Variants in LARGE1 observed in about 807,000 individuals in gnomAD.
LARGE1 encodes the protein xylosyl- and glucuronyltransferase LARGE1.
LARGE1 carries 43 observed loss-of-function variants against 87.6 expected under a neutral mutation model. That is an observed-to-expected ratio of 0.49 (90% CI 0.38 to 0.63). The LOEUF (loss-of-function observed/expected upper bound fraction) is 0.63, where lower values mean the gene tolerates loss of function less well. LARGE1 is among the 30% of genes least tolerant of loss of function. The pLI, the probability that LARGE1 is intolerant of heterozygous loss-of-function variation, is 0.00. For missense variants in LARGE1, 802 were observed against 1,000.2 expected, an observed-to-expected ratio of 0.80 and a Z score of 2.67; for synonymous variants, 434 against 394.6, an observed-to-expected ratio of 1.10 and a Z score of -1.18.
rs1601645807 is a variant in LARGE1, at chr22:33,382,089, C to A, written c.1006-45G>T. On this transcript the variant is annotated intron_variant, in intron 8 of 14. Transcript: ENST00000397394. Reference sequence around the variant, plus strand: ...GACACAGTCAAGACAGTCGGATGGTCCAGCTGCCCATTTTGGCTCTCAAGG... The same window carrying A: ...GACACAGTCAAGACAGTCGGATGGTACAGCTGCCCATTTTGGCTCTCAAGG... 7.4e-6 allele frequency: 12 copies of A among 1,611,842 alleles called. No homozygotes were observed. The East Asian group carries it at 2.7e-4, about 36-fold the overall frequency.
At chr22:33,223,951 A>T (rs1925587215) in intron 11 of LARGE1, among the ~76,000 whole-genome samples, 1 of 152,118 alleles carries the variant, frequency 6.6e-6, no homozygotes, top group African/African-American at 2.4e-5. Flanking sequence ...GCTCACAGCC[A>T]CCTCTATGCC....
At chr22:33,682,837 T>C (rs550388467) in intron 2 of LARGE1, among the ~76,000 whole-genome samples, 20 of 152,292 alleles carry the variant, frequency 1.3e-4, no homozygotes, top group African/African-American at 4.6e-4. Flanking sequence ...CAGAGACATA[T>C]GGTTTTATTT....
intron 6 of LARGE1, among the ~76,000 whole-genome samples, chr22:33,448,761 C>T (rs2067790059): frequency 6.6e-6 from 1 of 152,146 alleles, no homozygotes; most frequent in Admixed American, 6.5e-5. Context: ...AAGTACCGTA[C>T]AACTCAATGA....
chr22:33,201,371 G>C (rs1215062528), intron 11 of LARGE1, among the ~76,000 whole-genome samples: 1 of 149,958 alleles, frequency 6.7e-6, no homozygotes, highest in African/African-American at 2.5e-5. Flanking sequence ...AGAGAGGAAG[G>C]AAGGAAGAAA....
At chr22:33,872,366 T>C (rs1450461868) in intron 1 of LARGE1, among the ~76,000 whole-genome samples, 1 of 48,402 alleles carries the variant, frequency 2.1e-5, no homozygotes, top group Non-Finnish European at 3.5e-5. Context: ...TATCTATTAT[T>C]ATTATTATTA....
chr22:33,722,389 G>A (rs78007520), intron 2 of LARGE1, among the ~76,000 whole-genome samples: 5,024 of 149,946 alleles, frequency 0.034, 184 homozygotes, highest in South Asian at 0.2. Context: ...GGAAAGGAAG[G>A]AAAGAAGGGA....
intron 6 of LARGE1, among the ~76,000 whole-genome samples, chr22:33,476,711 C>T (rs565202215): frequency 1.7e-4 from 23 of 139,162 alleles, no homozygotes; most frequent in African/African-American, 6.2e-4. Flanking sequence ...CGCCCCCCAG[C>T]CCAAAGAATA....
rs1423590230 is a variant in LARGE1, at chr22:33,606,090, G to A, written c.492-1532C>T. Reference sequence around the variant, plus strand: ...CCAGGGTTGGAGCAGAGAAGGACATGAGAATGCAATGAAAGTTTAATTAAA... The same window carrying A: ...CCAGGGTTGGAGCAGAGAAGGACATAAGAATGCAATGAAAGTTTAATTAAA... On this transcript the variant is annotated intron_variant, in intron 4 of 14. Coordinates refer to ENST00000397394, the MANE Select transcript of LARGE1 (RefSeq NM_133642.5). Among the ~76,000 whole-genome samples, 6 of 152,284 alleles carry A rather than the reference G, an allele frequency of 3.9e-5. No homozygotes were observed. The South Asian group carries it at 8.3e-4, about 21-fold the overall frequency.
At chr22:33,469,672 A>G (rs971931429) in intron 6 of LARGE1, among the ~76,000 whole-genome samples, 2 of 151,632 alleles carry the variant, frequency 1.3e-5, no homozygotes, top group Admixed American at 1.3e-4. Context: ...TAAAAATACA[A>G]AAGAAATTAG....
At position 33,903,463 on chromosome 22, in the gene LARGE1, A is replaced by C. The variant is rs74339885; in HGVS notation, c.-83+16532T>G. On this transcript the variant is annotated intron_variant, in intron 1 of 14. Transcript: ENST00000397394. The stretch of plus-strand genomic sequence containing the variant: ...TGAATTTTTTTAAAAAATAAATAAA[A>C]TCACATAACAGTTAAAAAAAAAAAG... Among the ~76,000 whole-genome samples the C allele has an allele frequency of 1.3e-4, 20 of 152,254 alleles. 1 individual carries two copies. In the East Asian group the frequency reaches 2.5e-3, roughly 19 times the overall value.
At chr22:33,093,149 A>G in the LARGE1 span, among the ~76,000 whole-genome samples, 1 of 152,326 alleles carries the variant, frequency 6.6e-6, no homozygotes, top group African/African-American at 2.4e-5. Context: ...TGGGACAAAG[A>G]TGTAACTAGA....
chr22:33,826,682 C>A (rs995283654), intron 1 of LARGE1, among the ~76,000 whole-genome samples: 1 of 152,026 alleles, frequency 6.6e-6, no homozygotes, highest in Non-Finnish European at 1.5e-5. Context: ...CCTTTAGTAC[C>A]CACCTGGACA....
chr22:33,675,114 G>A (rs1002506780), intron 2 of LARGE1, among the ~76,000 whole-genome samples: 15 of 151,188 alleles, frequency 9.9e-5, no homozygotes, highest in Admixed American at 1.3e-4. Flanking sequence ...CCAACATGGC[G>A]AAATCCCGCC....
chr22:33,139,295 G>C, the LARGE1 span, among the ~76,000 whole-genome samples: 2 of 152,020 alleles, frequency 1.3e-5, no homozygotes, highest in African/African-American at 2.4e-5. Context: ...TGTGCTTGTT[G>C]GCCATTTGTA....
At chr22:33,148,953 T>C in the LARGE1 span, among the ~76,000 whole-genome samples, 1 of 152,128 alleles carries the variant, frequency 6.6e-6, no homozygotes, top group Admixed American at 6.5e-5. Flanking sequence ...ATTTAAAAAA[T>C]ATATTTACAA....
chr22:33,413,621 T>C (rs1415793907), intron 7 of LARGE1, among the ~76,000 whole-genome samples: 1 of 152,026 alleles, frequency 6.6e-6, no homozygotes, highest in Non-Finnish European at 1.5e-5. Context: ...TGTGCCACCA[T>C]GCCCGGCTAA....
At chr22:33,082,947 C>A in the LARGE1 span, among the ~76,000 whole-genome samples, 2 of 152,128 alleles carry the variant, frequency 1.3e-5, no homozygotes, top group East Asian at 3.9e-4. Context: ...ATGGTGTGAA[C>A]CCGGGAGGCG....
chr22:33,204,476 C>A (rs1306246436), intron 11 of LARGE1, among the ~76,000 whole-genome samples: 1 of 152,112 alleles, frequency 6.6e-6, no homozygotes, highest in African/African-American at 2.4e-5. Context: ...GCTTCCCAAT[C>A]TCAATATCTT....
At chr22:33,188,365 A>C (rs1923600128) in intron 11 of LARGE1, among the ~76,000 whole-genome samples, 1 of 152,082 alleles carries the variant, frequency 6.6e-6, no homozygotes, top group Non-Finnish European at 1.5e-5. Context: ...TTCTATCCCA[A>C]CAAATAAGGA....
Sources: gnomAD v4.1 joint callset for allele counts (sites outside exome capture counted in the v4.1 genomes callset) on GRCh38, gnomAD v4.1.1 for gene constraint, MANE v1.5 for transcripts, NCBI Gene and HGNC (gene_info 2026-07-23, HGNC 2026-07-21) for gene names.